Variants in HS6ST3 observed in about 807,000 individuals in gnomAD.
HS6ST3 encodes the protein heparan-sulfate 6-O-sulfotransferase 3.
A neutral mutation model predicts 36.7 loss-of-function variants in HS6ST3; 12 were observed. The observed-to-expected ratio is 0.33, with a 90% CI of 0.21 to 0.53. The LOEUF (loss-of-function observed/expected upper bound fraction) is 0.53, where lower values mean the gene tolerates loss of function less well. HS6ST3 is among the 20% of genes least tolerant of loss of function. The pLI is 0.95. For synonymous variants in HS6ST3, 240 were observed against 257.5 expected (o/e 0.93, Z 0.65); for missense variants, 584 against 640.9 (o/e 0.91, Z 0.96).
At chr13:96,144,227 C>T (rs2054045464) in intron 1 of HS6ST3, among the ~76,000 whole-genome samples, 1 of 152,086 alleles carries the variant, frequency 6.6e-6, no homozygotes, top group Non-Finnish European at 1.5e-5. Context: ...TAGTAATTTT[C>T]ACCTGAGTGT....
intron 1 of HS6ST3, among the ~76,000 whole-genome samples, chr13:96,110,716 G>A (rs898978570): frequency 4.6e-5 from 7 of 152,072 alleles, no homozygotes; most frequent in Admixed American, 1.3e-4. Context: ...GAGCCACCAC[G>A]CCTGGCCGGG....
intron 1 of HS6ST3, among the ~76,000 whole-genome samples, chr13:96,277,240 T>C (rs1219703932): frequency 1.3e-5 from 2 of 152,230 alleles, no homozygotes; most frequent in Admixed American, 1.3e-4. Context: ...ATTCCTTGAA[T>C]AGCACAGTCT....
intron 1 of HS6ST3, among the ~76,000 whole-genome samples, chr13:96,795,150 C>A (rs998137135): frequency 8.6e-5 from 13 of 151,858 alleles, no homozygotes; most frequent in African/African-American, 3.1e-4. Context: ...TATCTCAAAC[C>A]TTTCACTCTT....
intron 1 of HS6ST3, chr13:96,574,255 G>T: frequency 2.3e-6 from 1 of 427,064 alleles, no homozygotes. Flanking sequence ...GGGAGATAGG[G>T]GTCCATGGGA....
intron 1 of HS6ST3, among the ~76,000 whole-genome samples, chr13:96,139,025 G>A (rs1201582600): frequency 6.6e-6 from 1 of 151,958 alleles, no homozygotes; most frequent in Non-Finnish European, 1.5e-5. Context: ...AAAAAGTAAA[G>A]CAAGCCTTGA....
chr13:96,573,191 T>C (rs1253529870), intron 1 of HS6ST3, among the ~76,000 whole-genome samples: 1 of 152,214 alleles, frequency 6.6e-6, no homozygotes, highest in Non-Finnish European at 1.5e-5. Context: ...AATTAGAATG[T>C]CTTAGAGTTC....
intron 1 of HS6ST3, chr13:96,427,165 G>A (rs1191384601): frequency 6.5e-6 from 1 of 154,358 alleles, no homozygotes; most frequent in Non-Finnish European, 1.5e-5. Flanking sequence ...TACTTAACCA[G>A]GAGAACAAAC....
chr13:96,441,483 A>C (rs1477782894), intron 1 of HS6ST3, among the ~76,000 whole-genome samples: 1 of 152,178 alleles, frequency 6.6e-6, no homozygotes, highest in Non-Finnish European at 1.5e-5. Flanking sequence ...CACAATTATT[A>C]TTATGAATGA....
intron 1 of HS6ST3, among the ~76,000 whole-genome samples, chr13:96,636,163 A>G (rs2056549043): frequency 6.6e-6 from 1 of 152,162 alleles, no homozygotes; most frequent in Non-Finnish European, 1.5e-5. Flanking sequence ...AAGTGAGGGT[A>G]CATTTGCGTT....
At chr13:96,460,194 C>G (rs566955272) in intron 1 of HS6ST3, among the ~76,000 whole-genome samples, 102 of 152,238 alleles carry the variant, frequency 6.7e-4, no homozygotes, top group African/African-American at 2.4e-3. Flanking sequence ...TTTCTAACCC[C>G]ACTACTGTGC....
At chr13:96,391,285 TGCTTTGTGGAACCCA>T (rs2139451779) in intron 1 of HS6ST3, among the ~76,000 whole-genome samples, 1 of 152,362 alleles carries the variant, frequency 6.6e-6, no homozygotes, top group South Asian at 2.1e-4. Flanking sequence ...CATTACTTTT[TGCTTTGTGGAACCCA>T]AATATAGTTG....
At chr13:96,647,940 C>T (rs768494163) in intron 1 of HS6ST3, among the ~76,000 whole-genome samples, 4 of 151,916 alleles carry the variant, frequency 2.6e-5, no homozygotes, top group Non-Finnish European at 5.9e-5. Context: ...CTACATCTTG[C>T]CTTTGGTTTT....
chr13:96,213,418 A>G (rs2054408379), intron 1 of HS6ST3, among the ~76,000 whole-genome samples: 1 of 152,122 alleles, frequency 6.6e-6, no homozygotes, highest in Non-Finnish European at 1.5e-5. Flanking sequence ...TGTGCTTGTG[A>G]GGTCTCCTTT....
In HS6ST3 at chr13:96,177,459, A is replaced by T. The variant is rs554746526; in HGVS notation, c.707+85890A>T. ...TGCCACCATAATAAAGAATGAGATC[A>T]TGTCCTTTGAGGGAACGTGGATGAA... On this transcript the variant is annotated intron_variant, in intron 1 of 1. Transcript: ENST00000376705. 1.1e-4 allele frequency among the ~76,000 whole-genome samples: 16 copies of T among 152,288 alleles called. No individual in the cohort carries two copies. In the South Asian group the frequency reaches 3.3e-3, roughly 32 times the overall value.
At chr13:96,291,032 T>G (rs1380596711) in intron 1 of HS6ST3, among the ~76,000 whole-genome samples, 1 of 152,240 alleles carries the variant, frequency 6.6e-6, no homozygotes, top group Non-Finnish European at 1.5e-5. Flanking sequence ...CTGTGAAGTC[T>G]TTCCCGACCA....
At position 96,327,268 on chromosome 13, in the gene HS6ST3, G is replaced by A. The variant is rs557862247; in HGVS notation, c.707+235699G>A. On this transcript the variant is annotated intron_variant, in intron 1 of 1. Coordinates refer to ENST00000376705, the MANE Select transcript of HS6ST3 (RefSeq NM_153456.4). ...AAGTCCTTGCCCATGCCTATGTCCT[G>A]AATGGTAATGCCTAGGTTTTCTTGT... 2.6e-5 allele frequency among the ~76,000 whole-genome samples: 4 copies of A among 151,808 alleles called. No homozygotes were observed. In the East Asian group the frequency reaches 7.8e-4, roughly 30 times the overall value.
chr13:96,520,499 T>C (rs2056088877), intron 1 of HS6ST3, among the ~76,000 whole-genome samples: 3 of 152,198 alleles, frequency 2.0e-5, no homozygotes, highest in Admixed American at 1.3e-4. Context: ...ATGGAATATT[T>C]TTCCATTTGT....
chr13:96,831,683 G>C (rs748846455), intron 1 of HS6ST3, among the ~76,000 whole-genome samples: 7 of 152,008 alleles, frequency 4.6e-5, no homozygotes, highest in Non-Finnish European at 8.8e-5. Flanking sequence ...CAGCAGGCAC[G>C]CTGGCTCATG....
intron 1 of HS6ST3, among the ~76,000 whole-genome samples, chr13:96,723,182 C>A (rs918494605): frequency 6.6e-6 from 1 of 152,114 alleles, no homozygotes; most frequent in Non-Finnish European, 1.5e-5. Flanking sequence ...TGGGTATGGT[C>A]ATGATACGAA....
Sources: allele counts gnomAD v4.1 joint callset (sites outside exome capture counted in the v4.1 genomes callset), GRCh38; gene constraint gnomAD v4.1.1; transcripts MANE v1.5; gene names NCBI Gene and HGNC (gene_info 2026-07-23, HGNC 2026-07-21).